Variants in SLC20A2 observed in about 807,000 individuals in gnomAD.
SLC20A2 encodes the protein solute carrier family 20 member 2.
Under a neutral mutation model 61.0 loss-of-function variants are expected in SLC20A2, and 30 were observed. The ratio of observed to expected loss-of-function variants is 0.49; its 90% confidence interval spans 0.37 to 0.67. SLC20A2 has a LOEUF of 0.67. SLC20A2 is among the 30% of genes least tolerant of loss of function. The probability of loss-of-function intolerance (pLI) is 0.00; values close to 1 mark genes in which losing one functional copy is unlikely to be tolerated. For missense variants in SLC20A2, 626 were observed against 866.4 expected (o/e 0.72, Z 3.48); for synonymous variants, 351 against 353.3 (o/e 0.99, Z 0.07).
At chr8:42,500,178 G>C (rs1810231393) in intron 1 of SLC20A2, among the ~76,000 whole-genome samples, 1 of 152,192 alleles carries the variant, frequency 6.6e-6, no homozygotes, top group African/African-American at 2.4e-5. Context: ...TATTCCTAAA[G>C]CTGATACATT....
intron 5 of SLC20A2, among the ~76,000 whole-genome samples, chr8:42,445,395 A>G (rs1341849474): frequency 6.6e-6 from 1 of 152,194 alleles, no homozygotes; most frequent in Non-Finnish European, 1.5e-5. Context: ...TATTATTTCA[A>G]TATCTAAATG....
intron 7 of SLC20A2, among the ~76,000 whole-genome samples, chr8:42,438,144 C>G (rs1282715620): frequency 4.9e-5 from 7 of 142,844 alleles, no homozygotes; most frequent in Non-Finnish European, 1.1e-4. Context: ...TTCAAAACAT[C>G]TTAAGTTCTC....
rs1420941158 is a variant in SLC20A2, at chr8:42,437,911, G to A, written c.935-334C>T. On this transcript the variant is annotated intron_variant, in intron 7 of 10. Transcript: ENST00000520262. The surrounding 1 kb of genome is among the most constrained non-coding windows in gnomAD (Gnocchi z 6.4). Reference sequence around the variant, plus strand: ...TTACAAGCGTGAGCCAACGTGCCCAGCCCCAGCCTTTCGAATATAAGCGAA... The same window carrying A: ...TTACAAGCGTGAGCCAACGTGCCCAACCCCAGCCTTTCGAATATAAGCGAA... 6.6e-6 allele frequency among the ~76,000 whole-genome samples: 1 copy of A among 151,820 alleles called. No homozygotes were observed. Among genetic ancestry groups the A allele is most frequent in the African/African-American group, 2.4e-5 (1 of 41,342 alleles).
At chr8:42,520,378 AT>A (rs1811574195) in intron 1 of SLC20A2, among the ~76,000 whole-genome samples, 1 of 151,990 alleles carries the variant, frequency 6.6e-6, no homozygotes. Context: ...CACCAAAAAA[AT>A]AAATAAGTAA....
At chr8:42,499,492 G>A (rs1810184558) in intron 1 of SLC20A2, among the ~76,000 whole-genome samples, 1 of 152,126 alleles carries the variant, frequency 6.6e-6, no homozygotes, top group African/African-American at 2.4e-5. Flanking sequence ...TCATCATAAA[G>A]CACATGCTTC....
intron 5 of SLC20A2, 57 bp from the exon 6 acceptor site, chr8:42,444,819 T>A: frequency 7.5e-7 from 1 of 1,341,378 alleles, no homozygotes; most frequent in Non-Finnish European, 1.1e-6. Context: ...AGGTCAGGCC[T>A]CAGGGCGGTG....
chr8:42,518,306 A>C (rs1470347112), intron 1 of SLC20A2, among the ~76,000 whole-genome samples: 2 of 152,212 alleles, frequency 1.3e-5, no homozygotes, highest in Non-Finnish European at 1.5e-5. Flanking sequence ...GAAATGGTTG[A>C]CTATATTATT....
intron 5 of SLC20A2, among the ~76,000 whole-genome samples, chr8:42,455,505 A>C (rs1806128406): frequency 6.6e-6 from 1 of 151,402 alleles, no homozygotes; most frequent in Non-Finnish European, 1.5e-5. Context: ...CTAAAAATAC[A>C]AAAAATTAGC....
At chr8:42,505,733 A>G (rs1810643510), upstream of SLC20A2, among the ~76,000 whole-genome samples, 2 of 151,998 alleles carry the variant, frequency 1.3e-5, no homozygotes, top group Non-Finnish European at 2.9e-5. Flanking sequence ...CCCCGTCTCT[A>G]CAAAAAACTT....
At chr8:42,433,183 G>T (rs1410530474) in intron 8 of SLC20A2, among the ~76,000 whole-genome samples, 1 of 152,146 alleles carries the variant, frequency 6.6e-6, no homozygotes, top group Non-Finnish European at 1.5e-5. Flanking sequence ...TCCAGAACTT[G>T]TTCATCTTGC....
rs1471507940 is a variant in SLC20A2 at position 42,417,201 on chromosome 8, T to A, written c.*602A>T. 6.6e-6 allele frequency: 1 copy of A among 152,572 alleles called. No homozygotes were observed. The highest frequency in any genetic ancestry group is 1.5e-5 in the Non-Finnish European group (1 of 68,102). The allele number at this position is 152,572 out of a possible 1,614,324, so 9.5% of individuals were successfully genotyped here. On this transcript the variant is annotated 3_prime_UTR_variant, in exon 11 of 11. Transcript: ENST00000520262. ...CGTATTTACAAAAGCAATGATGATA[T>A]ATTACACAACAATCAATACACAGTA...
In SLC20A2 at chr8:42,437,211, G is replaced by A; in HGVS notation, c.1301C>T (p.Ser434Leu). The A allele has an allele frequency of 6.2e-7, 1 of 1,613,700 alleles. No individual in the cohort carries two copies. Among genetic ancestry groups the A allele is most frequent in the South Asian group, 1.1e-5 (1 of 91,086 alleles). ...SKKRLRYDSY[S>L]SYCNAVAEAE... ...CTCTGCCACCGCGTTACAGTAGCTC[G>A]AGTAGCTGTCGTAGCGCAGCCTCTT... The change falls in exon 8 of 11, where the codon TCG (serine) becomes TTG (leucine). Residue 434 changes from serine (S) to leucine (L), a missense_variant. Transcript: ENST00000520262. This position sits in a 1 kb window ranked among gnomAD's most constrained non-coding sequence, Gnocchi z 6.4.
intron 10 of SLC20A2, among the ~76,000 whole-genome samples, chr8:42,427,495 G>A (rs1167961637): frequency 1.3e-5 from 2 of 152,244 alleles, no homozygotes; most frequent in Non-Finnish European, 2.9e-5. Context: ...GCTGTGGAGA[G>A]GGAACGGTGT....
intron 10 of SLC20A2, chr8:42,419,659 G>A (rs958197472): frequency 1.8e-5 from 17 of 942,322 alleles, no homozygotes; most frequent in Middle Eastern, 5.3e-4. Flanking sequence ...CTCTCCCAAC[G>A]TGTTTTAGGA....
chr8:42,441,981 G>GT (rs60786971), intron 6 of SLC20A2, among the ~76,000 whole-genome samples: 19,728 of 149,956 alleles, frequency 0.13, 3,725 homozygotes, highest in African/African-American at 0.42. Flanking sequence ...GTTGCCCAAG[G>GT]GGAGTGCAAT....
chr8:42,477,235 C>T (rs1309780535), intron 1 of SLC20A2, among the ~76,000 whole-genome samples: 1 of 152,126 alleles, frequency 6.6e-6, no homozygotes, highest in Admixed American at 6.5e-5. Context: ...AGTGTTTCGC[C>T]TCAAGCAACT....
chr8:42,518,615 C>T (rs144040879), intron 1 of SLC20A2, among the ~76,000 whole-genome samples: 42 of 152,244 alleles, frequency 2.8e-4, no homozygotes, highest in African/African-American at 9.4e-4. Context: ...TTTATTCATC[C>T]GTGTATACTT....
At chr8:42,471,100 T>C (rs1282788669) in intron 2 of SLC20A2, 1 of 453,596 alleles carries the variant, frequency 2.2e-6, no homozygotes, top group Non-Finnish European at 4.4e-6. Flanking sequence ...CAAGAGGATA[T>C]GTCCTGTTGA....
rs754342907 is a variant in SLC20A2 at position 42,527,103 on chromosome 8, C to CAA, written c.-265+14716_-265+14717dup. Reference sequence around the variant, plus strand: ...TGAGTAACAGAGTAAGAGCCTGTCTCAAAAAAAAAAAAAAAAAGTGGGCCG... The same window carrying CAA: ...TGAGTAACAGAGTAAGAGCCTGTCTCAAAAAAAAAAAAAAAAAAAGTGGGCCG... On this transcript the variant is annotated intron_variant, in intron 1 of 10. Transcript: ENST00000342228. Among the ~76,000 whole-genome samples the CAA allele has an allele frequency of 2.0e-3, 234 of 114,540 alleles. No individual in the cohort carries two copies. In the Middle Eastern group the frequency reaches 0.025, roughly 12 times the overall value. The allele number at this position is 114,540 out of a possible 152,430, so 75.1% of individuals were successfully genotyped here. A position where few individuals can be genotyped will look rare whatever the true frequency, so the allele number is the denominator to read the frequency against.
Sources: gnomAD v4.1 joint callset for allele counts (sites outside exome capture counted in the v4.1 genomes callset) on GRCh38, gnomAD v4.1.1 for gene constraint, Gnocchi (gnomAD v3.1) non-coding constraint, MANE v1.5 for transcripts, NCBI Gene and HGNC (gene_info 2026-07-23, HGNC 2026-07-21) for gene names.